PPM1H: variants seen among roughly 807,000 people sequenced by gnomAD.
The protein encoded by PPM1H is protein phosphatase, Mg2+/Mn2+ dependent 1H, also known as protein phosphatase 1H.
Under a neutral mutation model 54.9 loss-of-function variants are expected in PPM1H, and 27 were observed. The observed-to-expected ratio is 0.49, with a 90% CI of 0.36 to 0.68. The LOEUF is 0.68. Among genes scored for constraint, PPM1H ranks in the 30% least tolerant of loss-of-function variants. The pLI is 0.00. For missense variants in PPM1H, 596 were observed against 667.8 expected, an observed-to-expected ratio of 0.89 and a Z score of 1.19; for synonymous variants, 305 against 270.8, an observed-to-expected ratio of 1.13 and a Z score of -1.24.
At chr12:62,687,307 A>T (rs2076058789) in intron 8 of PPM1H, among the ~76,000 whole-genome samples, 1 of 152,176 alleles carries the variant, frequency 6.6e-6, no homozygotes, top group Non-Finnish European at 1.5e-5. Flanking sequence ...TCACTCTGCC[A>T]CCCAGGCTGG....
chr12:62,724,371 G>A (rs2076278728), intron 5 of PPM1H, among the ~76,000 whole-genome samples: 1 of 152,230 alleles, frequency 6.6e-6, no homozygotes, highest in South Asian at 2.1e-4. Flanking sequence ...CTAACAGGAG[G>A]ATGAGTGGGC....
intron 1 of PPM1H, among the ~76,000 whole-genome samples, chr12:62,907,629 G>C (rs1014265789): frequency 5.3e-5 from 8 of 152,206 alleles, no homozygotes; most frequent in Non-Finnish European, 2.9e-5. Context: ...TATCCAGTAA[G>C]TACTTGTTAC....
intron 6 of PPM1H, among the ~76,000 whole-genome samples, chr12:62,697,965 G>GA (rs1410411047): frequency 3.3e-5 from 5 of 151,512 alleles, no homozygotes; most frequent in Admixed American, 6.6e-5. Context: ...TTTTAGATGA[G>GA]AAAAAAAATG....
chr12:62,809,161 C>T (rs1299908103), intron 2 of PPM1H, among the ~76,000 whole-genome samples: 3 of 152,296 alleles, frequency 2.0e-5, no homozygotes, highest in Admixed American at 2.0e-4. Flanking sequence ...AAGTGATTAT[C>T]CCACTTCAGC....
intron 4 of PPM1H, among the ~76,000 whole-genome samples, chr12:62,760,226 G>A (rs2076500200): frequency 6.6e-6 from 1 of 152,106 alleles, no homozygotes; most frequent in Admixed American, 6.5e-5. Context: ...AATGGTCTGA[G>A]GTGCCTGACG....
chr12:62,838,343 G>C (rs558941928), intron 1 of PPM1H, among the ~76,000 whole-genome samples: 2 of 145,262 alleles, frequency 1.4e-5, no homozygotes, highest in African/African-American at 5.0e-5. Context: ...GTGTGTGGGG[G>C]GGGGGAGATG....
intron 8 of PPM1H, among the ~76,000 whole-genome samples, chr12:62,675,618 C>T (rs1331181691): frequency 6.6e-6 from 1 of 152,124 alleles, no homozygotes; most frequent in East Asian, 1.9e-4. Flanking sequence ...CTGTTTACTC[C>T]AATAGTTTTG....
At chr12:62,727,372 C>G (rs573778894) in intron 5 of PPM1H, among the ~76,000 whole-genome samples, 1 of 152,140 alleles carries the variant, frequency 6.6e-6, no homozygotes, top group Non-Finnish European at 1.5e-5. Context: ...GATAACACAG[C>G]CTTCAATCTT....
chr12:62,768,130 C>T (rs1391908818), intron 4 of PPM1H, among the ~76,000 whole-genome samples: 2 of 152,116 alleles, frequency 1.3e-5, no homozygotes. Flanking sequence ...ATACATCACT[C>T]GCCCACACCC....
chr12:62,688,642 A>G (rs1320831951), intron 8 of PPM1H, among the ~76,000 whole-genome samples: 1 of 152,152 alleles, frequency 6.6e-6, no homozygotes, highest in African/African-American at 2.4e-5. Context: ...TCTAAACATC[A>G]GCTGAATGAC....
chr12:62,677,768 C>T (rs1002042636), intron 8 of PPM1H, among the ~76,000 whole-genome samples: 3 of 152,316 alleles, frequency 2.0e-5, no homozygotes, highest in African/African-American at 7.2e-5. Context: ...CCACCAGCCA[C>T]AGTGGTTTCC....
intron 1 of PPM1H, among the ~76,000 whole-genome samples, chr12:62,845,776 CA>C: frequency 6.6e-6 from 1 of 152,124 alleles, no homozygotes; most frequent in Non-Finnish European, 1.5e-5. Context: ...CCTGTGTTTC[CA>C]AATACCTGTA....
chr12:62,836,803 A>G (rs1592626285), intron 1 of PPM1H, among the ~76,000 whole-genome samples: 1 of 152,340 alleles, frequency 6.6e-6, no homozygotes, highest in East Asian at 1.9e-4. Context: ...TTAGAAGAAC[A>G]AGACACATCT....
chr12:62,817,116 T>TAAAAAAAAAAAAAAAAAAAAAAA (rs1189819660), intron 2 of PPM1H, among the ~76,000 whole-genome samples: 32 of 41,712 alleles, frequency 7.7e-4, no homozygotes, highest in Non-Finnish European at 1.2e-3. Context: ...ACTGCATTAC[T>TAAAAAAAAAAAAAAAAAAAAAAA]AAAAAAAAAA....
At chr12:62,791,802 T>C (rs2076702707) in intron 3 of PPM1H, among the ~76,000 whole-genome samples, 2 of 152,128 alleles carry the variant, frequency 1.3e-5, no homozygotes, top group South Asian at 4.1e-4. Context: ...TGTGCACCTA[T>C]AGTCCAAGCT....
intron 1 of PPM1H, among the ~76,000 whole-genome samples, chr12:62,854,073 G>GA (rs370626645): frequency 2.6e-5 from 4 of 151,882 alleles, no homozygotes; most frequent in South Asian, 2.1e-4. Flanking sequence ...AACAAAACAT[G>GA]AAAAAAACAA....
At chr12:62,658,912 T>G (rs2075863576) in intron 9 of PPM1H, 1 of 668,912 alleles carries the variant, frequency 1.5e-6, no homozygotes, top group Non-Finnish European at 2.8e-6. Context: ...ATGTCAAAAT[T>G]AAGCGTAACT....
intron 4 of PPM1H, among the ~76,000 whole-genome samples, chr12:62,737,873 C>T (rs374766359): frequency 2.6e-5 from 4 of 152,252 alleles, no homozygotes; most frequent in Non-Finnish European, 4.4e-5. Context: ...AACAAATGCT[C>T]AGTGAATAAA....
chr12:62,757,618 T>A lies in PPM1H; in HGVS notation c.870-20032A>T, dbSNP rs894907712. Among the ~76,000 whole-genome samples, 11 of 152,320 alleles carry A rather than the reference T, an allele frequency of 7.2e-5. No individual in the cohort carries two copies. The East Asian group carries it at 2.1e-3, about 29-fold the overall frequency. ...ATCATAGATCTACTATTTTCAAGTG[T>A]CTTTCTTGGGGCAAGTTTCAAGTTG... On this transcript the variant is annotated intron_variant, in intron 4 of 9. Transcript: ENST00000228705.
Sources: allele counts gnomAD v4.1 joint callset (sites outside exome capture counted in the v4.1 genomes callset), GRCh38; gene constraint gnomAD v4.1.1; transcripts MANE v1.5; gene names NCBI Gene and HGNC (gene_info 2026-07-23, HGNC 2026-07-21).